CAMTA1: variants seen among roughly 807,000 people sequenced by gnomAD.
CAMTA1 encodes calmodulin binding transcription activator 1, also known as calmodulin-binding transcription activator 1.
A neutral mutation model predicts 170.9 loss-of-function variants in CAMTA1; 27 were observed. The ratio of observed to expected loss-of-function variants is 0.16; its 90% CI spans 0.12 to 0.22. The LOEUF (loss-of-function observed/expected upper bound fraction) is 0.22, where lower values mean the gene tolerates loss of function less well. CAMTA1 is among the 10% of genes least tolerant of loss of function. The probability of loss-of-function intolerance (pLI) is 1.00; values close to 1 mark genes in which losing one functional copy is unlikely to be tolerated. For synonymous variants in CAMTA1, 833 were observed against 891.5 expected (o/e 0.93, Z 1.17); for missense variants, 1,619 against 2,217.2 (o/e 0.73, Z 5.42).
chr1:7,199,524 C>G (rs1332073008), intron 4 of CAMTA1, among the ~76,000 whole-genome samples: 1 of 152,190 alleles, frequency 6.6e-6, no homozygotes, highest in East Asian at 1.9e-4. Flanking sequence ...GTGCACAACC[C>G]CCTTCCCCTG....
intron 5 of CAMTA1, among the ~76,000 whole-genome samples, chr1:7,396,396 T>C (rs1219755472): frequency 6.6e-6 from 1 of 152,218 alleles, no homozygotes; most frequent in Non-Finnish European, 1.5e-5. Flanking sequence ...CTTTACAAGT[T>C]ACCTAGCCTC....
Position 7,594,722 on chromosome 1 carries a change from G to T in CAMTA1, c.511-45678G>T, listed in dbSNP as rs776413947. Among the ~76,000 whole-genome samples, 111 of 152,344 alleles carry T rather than the reference G, an allele frequency of 7.3e-4. No individual in the cohort carries two copies. In the Middle Eastern group the frequency reaches 0.037, roughly 51 times the overall value. On this transcript the variant is annotated intron_variant, in intron 6 of 22. Coordinates refer to ENST00000303635, the MANE Select transcript of CAMTA1 (RefSeq NM_015215.4). ...GGTTGACAAATATGCTGATGGTTTGGATGTGAAGTTAAGACGAAGAGAGGA... is the reference window on the plus strand; with the variant it reads ...GGTTGACAAATATGCTGATGGTTTGTATGTGAAGTTAAGACGAAGAGAGGA...
chr1:6,812,681 A>G (rs982800214), intron 1 of CAMTA1, among the ~76,000 whole-genome samples: 6 of 152,226 alleles, frequency 3.9e-5, no homozygotes, highest in East Asian at 1.9e-4. Context: ...TGAAAATTCT[A>G]ATGATACTGT....
intron 5 of CAMTA1, among the ~76,000 whole-genome samples, chr1:7,379,207 T>G (rs529337891): frequency 6.6e-6 from 1 of 152,356 alleles, no homozygotes; most frequent in East Asian, 1.9e-4. Flanking sequence ...GTATTACAAT[T>G]TATACACAAT....
rs1064796821 is a variant in CAMTA1, at chr1:7,736,470, G to A, written c.3193G>A (p.Gly1065Arg). 3 of 1,614,092 alleles carry A rather than the reference G, an allele frequency of 1.9e-6. No individual in the cohort carries two copies. The highest frequency in any genetic ancestry group is 1.7e-6 in the Non-Finnish European group (2 of 1,180,020). ...KHLIHSKTFR[G>R]MTLLHLAAAQ... The stretch of plus-strand genomic sequence containing the variant: ...CTTGATCCACTCAAAGACTTTCCGC[G>A]GAATGACCCTACTCCACCTGGCCGC... Residue 1065 changes from glycine (G) to arginine (R), a missense_variant, in exon 13 of 23, where the codon GGA becomes AGA. Coordinates refer to ENST00000303635, the MANE Select transcript of CAMTA1 (RefSeq NM_015215.4). This position sits in a 1 kb window ranked among gnomAD's most constrained non-coding sequence, Gnocchi z 4.5.
At chr1:7,109,213 G>C (rs1056528992) in intron 4 of CAMTA1, among the ~76,000 whole-genome samples, 4 of 152,262 alleles carry the variant, frequency 2.6e-5, no homozygotes, top group African/African-American at 7.2e-5. Context: ...GAGACATTAA[G>C]TCCAGCTCCT....
At chr1:6,991,311 GT>G (rs1049837693) in intron 3 of CAMTA1, among the ~76,000 whole-genome samples, 11 of 152,090 alleles carry the variant, frequency 7.2e-5, no homozygotes, top group Admixed American at 4.6e-4. Context: ...ACTGCTGGAT[GT>G]TTTTTTCCCC....
intron 3 of CAMTA1, among the ~76,000 whole-genome samples, chr1:7,003,166 T>A (rs573666852): frequency 6.6e-6 from 1 of 152,342 alleles, no homozygotes; most frequent in South Asian, 2.1e-4. Context: ...AAGAAATGTT[T>A]CTAGGCATTG....
At chr1:7,279,656 G>A (rs1031903836) in intron 5 of CAMTA1, among the ~76,000 whole-genome samples, 15 of 152,170 alleles carry the variant, frequency 9.9e-5, no homozygotes, top group Admixed American at 7.2e-4. Context: ...ATGCGGCACC[G>A]TGCCGAGGGC....
chr1:7,642,986 TCC>T lies in CAMTA1; in HGVS notation c.664+2434_664+2435del, dbSNP rs2095776748. ...CAGAAGCTGCCATGGCTGAGTGCAC[TCC>T]AGGCCTGCAGGAAGTAGCCTGGAAC... On this transcript the variant is annotated intron_variant, in intron 7 of 22. Transcript: ENST00000303635. The surrounding 1 kb of genome is among the most constrained non-coding windows in gnomAD (Gnocchi z 6.3). Among the ~76,000 whole-genome samples, 1 of 149,896 alleles carries T rather than the reference TCC, an allele frequency of 6.7e-6. No individual in the cohort carries two copies. Among genetic ancestry groups the T allele is most frequent in the African/African-American group, 2.5e-5 (1 of 39,352 alleles).
chr1:6,937,998 A>T (rs1320988114), intron 3 of CAMTA1, among the ~76,000 whole-genome samples: 1 of 152,216 alleles, frequency 6.6e-6, no homozygotes, highest in Non-Finnish European at 1.5e-5. Flanking sequence ...CTTTAATCTC[A>T]GGGGGCAGAT....
intron 4 of CAMTA1, among the ~76,000 whole-genome samples, chr1:7,178,653 ACT>A (rs1429039331): frequency 6.6e-6 from 1 of 151,742 alleles, no homozygotes; most frequent in Non-Finnish European, 1.5e-5. Context: ...TGCAGAAGGA[ACT>A]CTCACCCTGA....
chr1:7,530,396 G>A (rs190879376), intron 6 of CAMTA1, among the ~76,000 whole-genome samples: 38 of 152,262 alleles, frequency 2.5e-4, no homozygotes, highest in African/African-American at 7.5e-4. Context: ...CTGTTGATTC[G>A]AGGCAGAGCG....
chr1:7,623,093 C>T (rs986687758), intron 6 of CAMTA1, among the ~76,000 whole-genome samples: 1 of 152,216 alleles, frequency 6.6e-6, no homozygotes, highest in Non-Finnish European at 1.5e-5. Flanking sequence ...CCACCCACCC[C>T]CATTTTTTAT....
At chr1:7,686,302 C>T (rs923777428) in intron 11 of CAMTA1, among the ~76,000 whole-genome samples, 8 of 152,100 alleles carry the variant, frequency 5.3e-5, no homozygotes, top group African/African-American at 1.7e-4. Flanking sequence ...GGTACCAGGG[C>T]GGCTGCTTTA....
chr1:6,986,595 G>A (rs114859147), intron 3 of CAMTA1, among the ~76,000 whole-genome samples: 275 of 152,232 alleles, frequency 1.8e-3, no homozygotes, highest in Non-Finnish European at 3.4e-3. Flanking sequence ...GTCAACCATC[G>A]TCCATGGTTG....
At chr1:7,661,623 A>T in intron 7 of CAMTA1, 103 bp from the exon 8 acceptor site, 1 of 1,334,746 alleles carries the variant, frequency 7.5e-7, no homozygotes, top group South Asian at 1.3e-5. Flanking sequence ...CCCAGCAGTG[A>T]GAGGGCTGCC....
chr1:7,554,405 C>T (rs971687519), intron 6 of CAMTA1, among the ~76,000 whole-genome samples: 1 of 152,162 alleles, frequency 6.6e-6, no homozygotes, highest in Non-Finnish European at 1.5e-5. Flanking sequence ...ACTTGCCTTA[C>T]ATGCTGCGAT....
chr1:7,223,977 G>C (rs572581040), intron 4 of CAMTA1, among the ~76,000 whole-genome samples: 140 of 152,342 alleles, frequency 9.2e-4, no homozygotes, highest in South Asian at 2.3e-3. Context: ...CGGGGTGGAA[G>C]ATTGCTGAAT....
Sources: gnomAD v4.1 joint callset for allele counts (sites outside exome capture counted in the v4.1 genomes callset) on GRCh38, gnomAD v4.1.1 for gene constraint, Gnocchi (gnomAD v3.1) non-coding constraint, MANE v1.5 for transcripts, NCBI Gene and HGNC (gene_info 2026-07-23, HGNC 2026-07-21) for gene names.